The following TLN2 variants were observed in gnomAD, a reference collection of about 807,000 sequenced individuals.
TLN2 encodes the protein talin 2.
A neutral mutation model predicts 294.7 loss-of-function variants in TLN2; 118 were observed. The ratio of observed to expected loss-of-function variants is 0.40; its 90% confidence interval spans 0.34 to 0.47. The LOEUF (loss-of-function observed/expected upper bound fraction) is 0.47. Among genes scored for constraint, TLN2 ranks in the 20% least tolerant of loss-of-function variants. TLN2 has a pLI of 0.84. For missense variants in TLN2, 3,083 were observed against 3,282.2 expected, an observed-to-expected ratio of 0.94 and a Z score of 1.48; for synonymous variants, 1,431 against 1,304.5, an observed-to-expected ratio of 1.10 and a Z score of -2.09.
At chr15:62,445,043 G>A (rs536303281) in intron 1 of TLN2, among the ~76,000 whole-genome samples, 6 of 152,352 alleles carry the variant, frequency 3.9e-5, no homozygotes, top group Admixed American at 1.3e-4. Flanking sequence ...CCCAGTGTCA[G>A]CTATCCAGGT....
At chr15:62,450,044 C>T (rs2036013236) in intron 1 of TLN2, among the ~76,000 whole-genome samples, 1 of 152,168 alleles carries the variant, frequency 6.6e-6, no homozygotes, top group South Asian at 2.1e-4. Context: ...TCAGTTGCCC[C>T]CGTACCTGGA....
chr15:62,745,242 CTA>C (rs1429890166), intron 32 of TLN2, among the ~76,000 whole-genome samples: 4 of 152,248 alleles, frequency 2.6e-5, no homozygotes, highest in African/African-American at 7.2e-5. Flanking sequence ...GATGAAAACA[CTA>C]TCTCTGTAAG....
chr15:62,570,615 G>C (rs28544342), intron 1 of TLN2, among the ~76,000 whole-genome samples: 1 of 152,030 alleles, frequency 6.6e-6, no homozygotes. Flanking sequence ...GGTTGCTTAA[G>C]CTAGTGTTTC....
At chr15:62,494,678 C>T (rs1256602386) in intron 1 of TLN2, among the ~76,000 whole-genome samples, 1 of 151,998 alleles carries the variant, frequency 6.6e-6, no homozygotes, top group Non-Finnish European at 1.5e-5. Context: ...AGGCTTATGT[C>T]TCTTTCCAGC....
intron 54 of TLN2, chr15:62,829,847 T>TCC (rs112569138): frequency 2.6e-4 from 39 of 152,290 alleles, no homozygotes; most frequent in African/African-American, 7.9e-4. Context: ...ATGAGTTCAA[T>TCC]TGTTTTGATT....
intron 1 of TLN2, among the ~76,000 whole-genome samples, chr15:62,435,669 G>A (rs180969303): frequency 6.6e-6 from 1 of 152,268 alleles, no homozygotes; most frequent in African/African-American, 2.4e-5. Context: ...AGCCTCCCAA[G>A]TAGCTGGGAT....
At chr15:62,438,230 G>A (rs2035385726) in intron 1 of TLN2, among the ~76,000 whole-genome samples, 1 of 152,194 alleles carries the variant, frequency 6.6e-6, no homozygotes, top group Non-Finnish European at 1.5e-5. Flanking sequence ...GAAAACAGGG[G>A]CACTGGGGAG....
intron 1 of TLN2, among the ~76,000 whole-genome samples, chr15:62,544,389 C>A (rs1365969449): frequency 6.6e-6 from 1 of 152,130 alleles, no homozygotes; most frequent in Admixed American, 6.5e-5. Flanking sequence ...AGCCATCTTT[C>A]TGTGGGACTT....
intron 44 of TLN2, among the ~76,000 whole-genome samples, chr15:62,781,513 G>A (rs2064166520): frequency 6.6e-6 from 1 of 152,198 alleles, no homozygotes; most frequent in South Asian, 2.1e-4. Context: ...AGCAAAGGAA[G>A]GAGAGAAAAT....
Position 62,737,061 on chromosome 15 carries a change from C to T in TLN2, c.3542C>T (p.Ala1181Val). ...AKQALIAPGD[A>V]ERQQRLAQVA... ...CAGGCCCTGATTGCACCTGGAGATG[C>T]AGAGCGTCAACAAAGACTGGCTCAG... Residue 1181 changes from alanine to valine, a missense_variant, in exon 29 of 59, where the codon GCA becomes GTA. Ala to Val is a moderately conservative substitution (Grantham distance 64, BLOSUM62 0). Transcript: ENST00000636159. 6.2e-7 allele frequency: 1 copy of T among 1,614,220 alleles called. No homozygotes were observed. The highest frequency in any genetic ancestry group is 8.5e-7 in the Non-Finnish European group (1 of 1,180,038).
intron 1 of TLN2, among the ~76,000 whole-genome samples, chr15:62,523,010 T>C (rs1347968725): frequency 6.6e-6 from 1 of 150,690 alleles, no homozygotes; most frequent in Non-Finnish European, 1.5e-5. Flanking sequence ...ACTTCCCTCT[T>C]CCCACCCCCG....
At chr15:62,774,819 G>C (rs562845506) in intron 42 of TLN2, among the ~76,000 whole-genome samples, 1 of 152,242 alleles carries the variant, frequency 6.6e-6, no homozygotes, top group Non-Finnish European at 1.5e-5. Flanking sequence ...AAAGTTTTGT[G>C]ATTTACTGCT....
At chr15:62,680,276 TTC>T (rs1177990343) in intron 11 of TLN2, among the ~76,000 whole-genome samples, 1 of 152,240 alleles carries the variant, frequency 6.6e-6, no homozygotes, top group Non-Finnish European at 1.5e-5. Context: ...GACATTTTTA[TTC>T]TGTTAAGTCT....
intron 2 of TLN2, among the ~76,000 whole-genome samples, chr15:62,592,657 G>A (rs1014040904): frequency 6.6e-6 from 1 of 152,154 alleles, no homozygotes; most frequent in Non-Finnish European, 1.5e-5. Flanking sequence ...TCCAAAGTCT[G>A]AATAAAAGTT....
chr15:62,664,875 A>AAAAAAAAAAAAAAG (rs1555462003), intron 9 of TLN2, among the ~76,000 whole-genome samples: 16 of 146,572 alleles, frequency 1.1e-4, no homozygotes, highest in African/African-American at 4.0e-4. Flanking sequence ...AAAAAAAAAA[A>AAAAAAAAAAAAAAG]AAAGTGGCTA....
At position 62,727,165 on chromosome 15, in the gene TLN2, G is replaced by T. The variant is rs141890260; in HGVS notation, c.3334G>T (p.Ala1112Ser). Residue 1112 changes from alanine to serine, a missense_variant, in exon 28 of 59, where the codon GCT becomes TCT. Transcript: ENST00000636159. ...CATGGCACAGCTGCTGACCTGTGCT[G>T]CTCAAGGCAACGAACACTACACAGG... ...SSMAQLLTCA[A>S]QGNEHYTGVA... 6.2e-7 allele frequency: 1 copy of T among 1,614,062 alleles called. No homozygotes were observed. The highest frequency in any genetic ancestry group is 8.5e-7 in the Non-Finnish European group (1 of 1,180,034).
chr15:62,502,479 A>G (rs1354370152), intron 1 of TLN2, among the ~76,000 whole-genome samples: 2 of 149,976 alleles, frequency 1.3e-5, no homozygotes, highest in African/African-American at 4.9e-5. Context: ...CTGGTGCCTG[A>G]CCTGGGACAG....
chr15:62,428,253 C>T (rs955978339), intron 1 of TLN2, among the ~76,000 whole-genome samples: 42 of 152,196 alleles, frequency 2.8e-4, no homozygotes, highest in Non-Finnish European at 4.9e-4. Context: ...GGGATGGAGT[C>T]GTGTTTTGCC....
At chr15:62,794,031 T>TG (rs2065273905) in intron 46 of TLN2, among the ~76,000 whole-genome samples, 1 of 151,982 alleles carries the variant, frequency 6.6e-6, no homozygotes, top group South Asian at 2.1e-4. Context: ...TTGCCTTCCT[T>TG]TCAAAGCCCT....
Sources: allele counts gnomAD v4.1 joint callset (sites outside exome capture counted in the v4.1 genomes callset), GRCh38; gene constraint gnomAD v4.1.1; transcripts MANE v1.5; gene names NCBI Gene and HGNC (gene_info 2026-07-23, HGNC 2026-07-21).